The following KCNA6 variants were observed in gnomAD, a reference collection of about 807,000 sequenced individuals.
KCNA6 encodes the protein human brain potassium channel-2.
KCNA6 carries 17 observed loss-of-function variants against 29.5 expected under a neutral mutation model. That is an observed-to-expected ratio of 0.58 (90% confidence interval 0.39 to 0.86). The LOEUF is 0.86. KCNA6 is among the 40% of genes least tolerant of loss of function. KCNA6 has a pLI of 0.00. For synonymous variants in KCNA6, 296 were observed against 304.7 expected (o/e 0.97, Z 0.30); for missense variants, 450 against 703.4 (o/e 0.64, Z 4.07).
At chr12:4,815,637 G>C (rs1946674574), downstream of KCNA6, among the ~76,000 whole-genome samples, 1 of 152,334 alleles carries the variant, frequency 6.6e-6, no homozygotes, top group East Asian at 1.9e-4. Context: ...CCTGGAAAAA[G>C]CCTTAAATAG....
the KCNA6 span, among the ~76,000 whole-genome samples, chr12:4,819,247 C>T: frequency 6.6e-6 from 1 of 152,162 alleles, no homozygotes; most frequent in Non-Finnish European, 1.5e-5. Context: ...GTGGTTGACA[C>T]TGCATTCGAG....
At chr12:4,848,215 C>G in the KCNA6 span, among the ~76,000 whole-genome samples, 1 of 149,064 alleles carries the variant, frequency 6.7e-6, no homozygotes, top group South Asian at 2.1e-4. Flanking sequence ...CCACCTGCAA[C>G]CAGTTTTTAG....
chr12:4,834,107 T>C, the KCNA6 span, among the ~76,000 whole-genome samples: 1 of 151,920 alleles, frequency 6.6e-6, no homozygotes, highest in Non-Finnish European at 1.5e-5. Context: ...ATTTTTATTT[T>C]TATTTTTTGT....
At chr12:4,832,077 G>A in the KCNA6 span, among the ~76,000 whole-genome samples, 1 of 152,160 alleles carries the variant, frequency 6.6e-6, no homozygotes, top group Non-Finnish European at 1.5e-5. Flanking sequence ...TGAAGATGGT[G>A]TAGTTGTGGA....
chr12:4,817,938 A>C (rs781362657), downstream of KCNA6, among the ~76,000 whole-genome samples: 96 of 152,228 alleles, frequency 6.3e-4, no homozygotes, highest in Non-Finnish European at 1.1e-3. Flanking sequence ...CAAAGGCGAC[A>C]TTTCAAAAGG....
the KCNA6 span, among the ~76,000 whole-genome samples, chr12:4,840,195 TTATCTATC>T: frequency 0.16 from 23,560 of 149,768 alleles, 2,098 homozygotes; most frequent in East Asian, 0.26. Context: ...ATGATGATTA[TTATCTATC>T]TATCTATCTA....
Position 4,811,379 on chromosome 12 carries a change from G to C in KCNA6, c.1338G>C (p.Gly446=). Residue 446 remains glycine (G), a synonymous_variant, in exon 1 of 1, where the codon GGG becomes GGC. Transcript: ENST00000280684. This position sits in a 1 kb window ranked among gnomAD's most constrained non-coding sequence, Gnocchi z 7.1. Reference sequence around the variant, plus strand: ...TGGGCTCGCTGTGTGCCATCGCTGGGGTCCTCACCATTGCCCTGCCTGTGC... The same window carrying C: ...TGGGCTCGCTGTGTGCCATCGCTGGCGTCCTCACCATTGCCCTGCCTGTGC... 2 of 1,614,120 alleles carry C rather than the reference G, an allele frequency of 1.2e-6. No homozygotes were observed. The highest frequency in any genetic ancestry group is 1.1e-5 in the South Asian group (1 of 91,072).
At chr12:4,835,934 GTTT>G in the KCNA6 span, among the ~76,000 whole-genome samples, 73 of 137,176 alleles carry the variant, frequency 5.3e-4, no homozygotes, top group Admixed American at 4.5e-4. Context: ...AAAAGTCGCT[GTTT>G]TTTTTTTTTT....
Position 4,810,966 on chromosome 12 carries a change from A to G in KCNA6, c.925A>G (p.Ile309Val). Residue 309 changes from isoleucine (I) to valine (V), a missense_variant, in exon 1 of 1, where the codon ATC becomes GTC. Ile to Val is a conservative substitution (Grantham distance 29). Coordinates refer to ENST00000280684, the Ensembl canonical transcript of KCNA6. The surrounding 1 kb of genome is among the most constrained non-coding windows in gnomAD (Gnocchi z 7.5). ...CTTGGTGGCTATCTTCCCCTACTTC[A>G]TCACCCTGGGCACTGAGCTGGTGCA... 3.1e-6 allele frequency: 5 copies of G among 1,614,196 alleles called. No homozygotes were observed. The highest frequency in any genetic ancestry group is 4.2e-6 in the Non-Finnish European group (5 of 1,180,050).
the KCNA6 span, among the ~76,000 whole-genome samples, chr12:4,847,840 C>T: frequency 6.6e-6 from 1 of 152,164 alleles, no homozygotes; most frequent in East Asian, 1.9e-4. Flanking sequence ...GAGCTTACTG[C>T]AGAGTGATGA....
chr12:4,829,733 G>A, the KCNA6 span, among the ~76,000 whole-genome samples: 1 of 151,758 alleles, frequency 6.6e-6, no homozygotes, highest in African/African-American at 2.4e-5. Context: ...AGGTTCTTGT[G>A]TGCAGCCATA....
the KCNA6 span, among the ~76,000 whole-genome samples, chr12:4,846,765 CTT>C: frequency 0.049 from 4,926 of 100,352 alleles, 201 homozygotes; most frequent in East Asian, 0.18. Context: ...TGGAACACCT[CTT>C]TTTTTTTTTT....
At chr12:4,823,922 A>G in the KCNA6 span, among the ~76,000 whole-genome samples, 1 of 152,214 alleles carries the variant, frequency 6.6e-6, no homozygotes, top group Non-Finnish European at 1.5e-5. Context: ...GAGGCAGGAC[A>G]GGAGACATGA....
chr12:4,829,399 T>G, the KCNA6 span, among the ~76,000 whole-genome samples: 1 of 152,154 alleles, frequency 6.6e-6, no homozygotes, highest in Non-Finnish European at 1.5e-5. Flanking sequence ...ATCGACAAAC[T>G]TTTCACTGGC....
downstream of KCNA6, chr12:4,814,217 T>G (rs539016820): frequency 5.0e-4 from 84 of 167,250 alleles, no homozygotes; most frequent in African/African-American, 2.0e-3. The surrounding 1 kb of genome is among the most constrained non-coding windows in gnomAD (Gnocchi z 4.6). Context: ...AATTTGAATG[T>G]TAAGCAACCA....
the KCNA6 span, among the ~76,000 whole-genome samples, chr12:4,838,078 C>A: frequency 1.3e-5 from 2 of 152,176 alleles, no homozygotes; most frequent in African/African-American, 4.8e-5. Context: ...CATCATCTGA[C>A]TGCCTTCGGC....
the KCNA6 span, among the ~76,000 whole-genome samples, chr12:4,820,752 C>T: frequency 6.6e-6 from 1 of 152,098 alleles, no homozygotes; most frequent in African/African-American, 2.4e-5. Context: ...ACCAGATGAC[C>T]AGCTTCTGGA....
Position 4,811,621 on chromosome 12 carries a change from C to T in KCNA6, c.1580C>T (p.Thr527Met), listed in dbSNP as rs771404375. The change falls in exon 1 of 1, where the codon ACG (threonine) becomes ATG (methionine). Residue 527 changes from threonine (T) to methionine (M), a missense_variant. Thr to Met is a moderately conservative substitution (Grantham distance 81). Coordinates refer to ENST00000280684, the Ensembl canonical transcript of KCNA6. This position sits in a 1 kb window ranked among gnomAD's most constrained non-coding sequence, Gnocchi z 7.1. ...GCCTATGCAGAGAAAAGAATGCTCA[C>T]GGAGGTCTGACCCATGCAGGCAGGG... is the stretch of plus-strand genomic sequence containing the variant. 1.9e-6 allele frequency: 3 copies of T among 1,613,368 alleles called. No individual in the cohort carries two copies. Among genetic ancestry groups the T allele is most frequent in the Non-Finnish European group, 2.5e-6 (3 of 1,179,516 alleles).
the KCNA6 span, among the ~76,000 whole-genome samples, chr12:4,819,845 C>T: frequency 6.6e-6 from 1 of 152,220 alleles, no homozygotes; most frequent in Admixed American, 6.5e-5. Context: ...GCTTCAGTTT[C>T]GTCATCTGCA....
Sources: gnomAD v4.1 joint callset for allele counts (sites outside exome capture counted in the v4.1 genomes callset) on GRCh38, gnomAD v4.1.1 for gene constraint, Gnocchi (gnomAD v3.1) non-coding constraint, MANE v1.5 for transcripts, NCBI Gene and HGNC (gene_info 2026-07-23, HGNC 2026-07-21) for gene names.